The following FSTL5 variants were observed in gnomAD, a reference collection of about 807,000 sequenced individuals.
FSTL5 encodes the protein follistatin-related protein 5.
In FSTL5, 62 loss-of-function variants were observed where a neutral mutation model predicts 89.1. That is an observed-to-expected ratio of 0.70 (90% confidence interval 0.57 to 0.86). The LOEUF (loss-of-function observed/expected upper bound fraction) is 0.86. FSTL5 is among the 40% of genes least tolerant of loss of function. The pLI is 0.00. For missense variants in FSTL5, 1,057 were observed against 1,001.6 expected (o/e 1.06, Z -0.75); for synonymous variants, 383 against 346.2 (o/e 1.11, Z -1.18).
At position 161,455,205 on chromosome 4, in the gene FSTL5, G is replaced by A. The variant is rs980606148; in HGVS notation, c.1717-77C>T. 55 of 1,209,108 alleles carry A rather than the reference G, an allele frequency of 4.5e-5. No individual in the cohort carries two copies. In the South Asian group the frequency reaches 1.1e-3, roughly 24 times the overall value. 74.9% of individuals were successfully genotyped at this position (1,209,108 alleles called of 1,614,324 possible). A position where few individuals can be genotyped will look rare whatever the true frequency, so the allele number is the denominator to read the frequency against. On this transcript the variant is annotated intron_variant, in intron 14 of 15. Coordinates refer to ENST00000306100, the MANE Select transcript of FSTL5 (RefSeq NM_020116.5). ...ATAAGCTTTAATTTTATTTAGAGATGAAATAAATGTTTCTGGCAGTTGTTT... is the reference window on the plus strand; with the variant it reads ...ATAAGCTTTAATTTTATTTAGAGATAAAATAAATGTTTCTGGCAGTTGTTT...
chr4:161,912,125 G>GT (rs35415392), intron 4 of FSTL5, among the ~76,000 whole-genome samples: 22 of 152,094 alleles, frequency 1.4e-4, no homozygotes, highest in African/African-American at 4.8e-4. Context: ...CAATGAAAAG[G>GT]TTTTTTTACC....
chr4:161,975,104 C>T lies in FSTL5; in HGVS notation c.161-54452G>A, dbSNP rs572828849. Reference sequence around the variant, plus strand: ...CAATCATTAAAAAGTCAGGAAACAACAGGGGCTGGAGAGGATGTGGAGAAA... The same window carrying T: ...CAATCATTAAAAAGTCAGGAAACAATAGGGGCTGGAGAGGATGTGGAGAAA... On this transcript the variant is annotated intron_variant, in intron 3 of 15. Transcript: ENST00000306100. 7.2e-3 allele frequency among the ~76,000 whole-genome samples: 997 copies of T among 138,758 alleles called. 14 individuals carry two copies. Among genetic ancestry groups the T allele is most frequent in the African/African-American group, 0.027 (929 of 34,308 alleles). 91.0% of individuals were successfully genotyped at this position (138,758 alleles called of 152,430 possible). A position where few individuals can be genotyped will look rare whatever the true frequency, so the allele number is the denominator to read the frequency against.
At chr4:162,100,274 G>C (rs1212097982) in intron 2 of FSTL5, among the ~76,000 whole-genome samples, 1 of 152,102 alleles carries the variant, frequency 6.6e-6, no homozygotes, top group Non-Finnish European at 1.5e-5. Context: ...AAAACACATA[G>C]AGGAGGCCGG....
chr4:161,493,411 C>T (rs770374652), intron 12 of FSTL5, among the ~76,000 whole-genome samples: 1 of 151,342 alleles, frequency 6.6e-6, no homozygotes, highest in Non-Finnish European at 1.5e-5. Flanking sequence ...CATAGGGGGA[C>T]ATGAAGGAAT....
At chr4:161,698,650 C>T (rs1738270223) in intron 6 of FSTL5, among the ~76,000 whole-genome samples, 1 of 152,114 alleles carries the variant, frequency 6.6e-6, no homozygotes, top group African/African-American at 2.4e-5. Context: ...AGGAGAAGGC[C>T]AGGCGCAGTG....
chr4:161,568,022 T>C (rs1732878353), intron 8 of FSTL5, among the ~76,000 whole-genome samples: 1 of 151,756 alleles, frequency 6.6e-6, no homozygotes, highest in South Asian at 2.1e-4. Flanking sequence ...CATTCTATTC[T>C]GCTCTCTTGG....
intron 4 of FSTL5, among the ~76,000 whole-genome samples, chr4:161,872,470 T>A (rs1476175825): frequency 3.9e-5 from 6 of 152,188 alleles, no homozygotes; most frequent in Non-Finnish European, 7.3e-5. Flanking sequence ...ATTTCTGGAC[T>A]CCTTTCCAAA....
intron 2 of FSTL5, among the ~76,000 whole-genome samples, chr4:162,054,272 G>C (rs1738470235): frequency 6.6e-6 from 1 of 151,630 alleles, no homozygotes; most frequent in African/African-American, 2.4e-5. Flanking sequence ...TAGCAAACTA[G>C]TAACACTCTA....
chr4:161,464,154 A>G (rs967199397), intron 13 of FSTL5, among the ~76,000 whole-genome samples: 7 of 152,172 alleles, frequency 4.6e-5, no homozygotes, highest in African/African-American at 1.7e-4. Flanking sequence ...AGTGAAAGCC[A>G]AAAGTCATTA....
chr4:161,432,483 C>T (rs573948458), intron 15 of FSTL5, among the ~76,000 whole-genome samples: 1 of 151,948 alleles, frequency 6.6e-6, no homozygotes, highest in East Asian at 1.9e-4. Context: ...TTATAAGCAC[C>T]TATACCAAAA....
At chr4:162,030,598 A>T (rs1433342280) in intron 3 of FSTL5, among the ~76,000 whole-genome samples, 1 of 152,220 alleles carries the variant, frequency 6.6e-6, no homozygotes, top group Non-Finnish European at 1.5e-5. Flanking sequence ...GGACAGTCCA[A>T]CATCCTTTTA....
chr4:161,674,520 GA>G (rs1215530857), intron 6 of FSTL5, among the ~76,000 whole-genome samples: 22 of 152,064 alleles, frequency 1.4e-4, no homozygotes, highest in African/African-American at 5.3e-4. Context: ...CTTCTTGGCA[GA>G]AAGAAGAAAA....
chr4:161,831,878 A>T (rs1730857414), intron 4 of FSTL5, among the ~76,000 whole-genome samples: 1 of 151,866 alleles, frequency 6.6e-6, no homozygotes, highest in Admixed American at 6.6e-5. Context: ...ATTTTAGAGA[A>T]AATTTGCTGA....
intron 1 of FSTL5, among the ~76,000 whole-genome samples, chr4:162,116,021 T>A (rs75721661): frequency 6.6e-6 from 1 of 151,642 alleles, no homozygotes; most frequent in African/African-American, 2.4e-5. Context: ...GAAAAGAGTG[T>A]CGAGATGAAG....
chr4:161,533,454 C>T (rs10003265), intron 10 of FSTL5, among the ~76,000 whole-genome samples: 4,097 of 152,036 alleles, frequency 0.027, 173 homozygotes, highest in African/African-American at 0.092. Context: ...CCTCTATGCA[C>T]ACGAATTAGA....
At position 161,829,504 on chromosome 4, in the gene FSTL5, T is replaced by C. The variant is rs532247129; in HGVS notation, c.410-53430A>G. Among the ~76,000 whole-genome samples, 4 of 152,160 alleles carry C rather than the reference T, an allele frequency of 2.6e-5. No individual in the cohort carries two copies. In the South Asian group the frequency reaches 6.2e-4, roughly 24 times the overall value. On this transcript the variant is annotated intron_variant, in intron 4 of 15. Transcript: ENST00000306100. ...ATGTATGTAATTATCTATAATAGTA[T>C]GCAATTCAAATTTATAATCATTTCA...
rs1731340239 is a variant in FSTL5, at chr4:162,109,140, G to A, written c.126+2131C>T. ...AGTGGGTTCATAATGGGAATCAGTG[G>A]GAAAAGGAAGGCCAGAAATTTCTGG... is the stretch of plus-strand genomic sequence containing the variant. On this transcript the variant is annotated intron_variant, in intron 2 of 15. Transcript: ENST00000306100. Among the ~76,000 whole-genome samples the A allele has an allele frequency of 2.0e-5, 3 of 152,008 alleles. 1 individual carries two copies. Among genetic ancestry groups the A allele is most frequent in the East Asian group, 3.9e-4 (2 of 5,174 alleles).
intron 6 of FSTL5, among the ~76,000 whole-genome samples, chr4:161,743,482 A>T (rs1426939559): frequency 6.6e-6 from 1 of 152,052 alleles, no homozygotes; most frequent in Non-Finnish European, 1.5e-5. Flanking sequence ...AAAGAATGAC[A>T]TCCCCTCCAT....
At chr4:161,710,626 A>G (rs1738746864) in intron 6 of FSTL5, among the ~76,000 whole-genome samples, 1 of 152,212 alleles carries the variant, frequency 6.6e-6, no homozygotes, top group Non-Finnish European at 1.5e-5. Context: ...GTGTTAGAAG[A>G]CACAGCATCA....
Sources: gnomAD v4.1 joint callset for allele counts (sites outside exome capture counted in the v4.1 genomes callset) on GRCh38, gnomAD v4.1.1 for gene constraint, MANE v1.5 for transcripts, NCBI Gene and HGNC (gene_info 2026-07-23, HGNC 2026-07-21) for gene names.